Variants in NDNF observed in about 807,000 individuals in gnomAD.
NDNF encodes the protein protein NDNF.
In NDNF, 16 loss-of-function variants were observed where a neutral mutation model predicts 42.0. The ratio of observed to expected loss-of-function variants is 0.38; its 90% CI spans 0.26 to 0.58. The LOEUF (loss-of-function observed/expected upper bound fraction) is 0.58, where lower values mean the gene tolerates loss of function less well. Among genes scored for constraint, NDNF ranks in the 20% least tolerant of loss-of-function variants. The pLI is 0.67. For synonymous variants in NDNF, 248 were observed against 251.7 expected, an observed-to-expected ratio of 0.99 and a Z score of 0.14; for missense variants, 616 against 666.2, an observed-to-expected ratio of 0.92 and a Z score of 0.83.
chr4:121,064,753 G>A (rs1038152897), intron 1 of NDNF, among the ~76,000 whole-genome samples: 3 of 151,724 alleles, frequency 2.0e-5, no homozygotes, highest in Non-Finnish European at 4.4e-5. Context: ...GGTTTGTGTG[G>A]GTGTGTCTGA....
At chr4:121,057,573 T>C (rs1357055534) in intron 1 of NDNF, among the ~76,000 whole-genome samples, 4 of 152,086 alleles carry the variant, frequency 2.6e-5, no homozygotes, top group African/African-American at 9.7e-5. Flanking sequence ...TGCTCTGACG[T>C]CCATTATCAG....
At chr4:121,069,905 T>C (rs1018535676) in intron 1 of NDNF, among the ~76,000 whole-genome samples, 2 of 152,280 alleles carry the variant, frequency 1.3e-5, no homozygotes, top group East Asian at 1.9e-4. Context: ...ATCCTGAATA[T>C]AGGTTTAGAT....
intron 1 of NDNF, among the ~76,000 whole-genome samples, chr4:121,057,053 A>G (rs1452283175): frequency 6.6e-6 from 1 of 152,108 alleles, no homozygotes; most frequent in African/African-American, 2.4e-5. Context: ...AAGATGTGTG[A>G]AGATCTTGAG....
intron 2 of NDNF, among the ~76,000 whole-genome samples, chr4:121,045,134 C>T (rs1018545098): frequency 1.3e-5 from 2 of 152,200 alleles, no homozygotes; most frequent in Admixed American, 6.5e-5. Context: ...GGGCGGATCA[C>T]GAGGTCAGGA....
intron 2 of NDNF, among the ~76,000 whole-genome samples, chr4:121,042,116 C>A (rs1727009149): frequency 6.6e-6 from 1 of 152,138 alleles, no homozygotes. Context: ...ATTGTATTAT[C>A]ATTTGATTAA....
At chr4:121,040,565 GTGTT>G (rs1392189639) in intron 2 of NDNF, among the ~76,000 whole-genome samples, 1 of 152,242 alleles carries the variant, frequency 6.6e-6, no homozygotes, top group Non-Finnish European at 1.5e-5. Context: ...TCTAAACTGT[GTGTT>G]TGTCTCTGGC....
chr4:121,047,992 TG>T (rs1372725631), intron 1 of NDNF, among the ~76,000 whole-genome samples: 1 of 152,168 alleles, frequency 6.6e-6, no homozygotes, highest in Non-Finnish European at 1.5e-5. Context: ...AGCAAGGACA[TG>T]GTGGACTGAC....
chr4:121,041,250 C>T (rs1726992609), intron 2 of NDNF, among the ~76,000 whole-genome samples: 1 of 152,212 alleles, frequency 6.6e-6, no homozygotes, highest in Admixed American at 6.5e-5. Flanking sequence ...AACCTATAAT[C>T]TTGCCAATGA....
At chr4:121,060,595 C>T (rs1249661765) in intron 1 of NDNF, among the ~76,000 whole-genome samples, 1 of 152,132 alleles carries the variant, frequency 6.6e-6, no homozygotes, top group Non-Finnish European at 1.5e-5. Flanking sequence ...TTCAAAATTA[C>T]ACCAAAGTTT....
chr4:121,052,139 T>G (rs927683293), intron 1 of NDNF, among the ~76,000 whole-genome samples: 2 of 152,210 alleles, frequency 1.3e-5, no homozygotes, highest in African/African-American at 4.8e-5. Flanking sequence ...AATGTATAAA[T>G]GTAGTTGTGA....
At chr4:121,043,891 A>T (rs1365145088) in intron 2 of NDNF, among the ~76,000 whole-genome samples, 1 of 152,234 alleles carries the variant, frequency 6.6e-6, no homozygotes, top group Admixed American at 6.5e-5. Flanking sequence ...TTAATAGTTA[A>T]GATTAACTTG....
At chr4:121,046,615 G>A (rs1244776491) in intron 1 of NDNF, among the ~76,000 whole-genome samples, 2 of 152,114 alleles carry the variant, frequency 1.3e-5, no homozygotes, top group African/African-American at 4.8e-5. Flanking sequence ...TTAGAAAATG[G>A]GCTTGAACCT....
At chr4:121,056,486 A>G (rs560566103) in intron 1 of NDNF, among the ~76,000 whole-genome samples, 1 of 152,336 alleles carries the variant, frequency 6.6e-6, no homozygotes, top group South Asian at 2.1e-4. Flanking sequence ...AACCATCACT[A>G]TCTCTTCTGA....
At chr4:121,062,044 C>T (rs1432077960) in intron 1 of NDNF, among the ~76,000 whole-genome samples, 1 of 152,082 alleles carries the variant, frequency 6.6e-6, no homozygotes, top group African/African-American at 2.4e-5. Flanking sequence ...AGACTGGTTG[C>T]AACATTTTAT....
intron 1 of NDNF, among the ~76,000 whole-genome samples, chr4:121,067,617 G>A (rs1401161422): frequency 6.6e-6 from 1 of 151,986 alleles, no homozygotes; most frequent in East Asian, 1.9e-4. Context: ...TTGTAATAGG[G>A]CCAAATACCC....
At chr4:121,041,774 C>T (rs950764683) in intron 2 of NDNF, among the ~76,000 whole-genome samples, 2 of 152,084 alleles carry the variant, frequency 1.3e-5, no homozygotes, top group Admixed American at 1.3e-4. Context: ...AAAGCATCCC[C>T]GAAGAAATGA....
Position 121,036,521 on chromosome 4 carries a change from C to A in NDNF, c.1450G>T (p.Glu484Ter). 6.2e-7 allele frequency: 1 copy of A among 1,614,154 alleles called. No homozygotes were observed. The highest frequency in any genetic ancestry group is 8.5e-7 in the Non-Finnish European group (1 of 1,180,020). Residue 484 changes from glutamate (E) to a stop codon, truncating the protein, a stop_gained, in exon 4 of 4, where the codon GAA (glutamate) becomes TAA (stop). Coordinates refer to ENST00000379692, the MANE Select transcript of NDNF (RefSeq NM_024574.4). LOFTEE classifies it high-confidence loss of function. ...ERNKFCIYKK[E>*]VDDNYNEDQK... Reference sequence around the variant, plus strand: ...TCTTCATTGTAGTTATCATCCACTTCTTTTTTGTAGATGCAAAACTTGTTC... The same window carrying A: ...TCTTCATTGTAGTTATCATCCACTTATTTTTTGTAGATGCAAAACTTGTTC...
intron 1 of NDNF, among the ~76,000 whole-genome samples, chr4:121,046,482 C>G (rs6534245): frequency 0.68 from 103,391 of 152,082 alleles, 39,632 homozygotes; most frequent in East Asian, 0.88. Flanking sequence ...AAATCATAAA[C>G]TTCATCTCCT....
At chr4:121,068,157 T>A (rs1727531900) in intron 1 of NDNF, among the ~76,000 whole-genome samples, 1 of 152,250 alleles carries the variant, frequency 6.6e-6, no homozygotes, top group African/African-American at 2.4e-5. Context: ...TGATTATTTT[T>A]TAACAACAGC....
Sources: allele counts gnomAD v4.1 joint callset (sites outside exome capture counted in the v4.1 genomes callset), GRCh38; gene constraint gnomAD v4.1.1; transcripts MANE v1.5; gene names NCBI Gene and HGNC (gene_info 2026-07-23, HGNC 2026-07-21).